The following SHISA6 variants were observed in gnomAD, a reference collection of about 807,000 sequenced individuals.
SHISA6 encodes shisa family member 6, also known as protein shisa-6.
In SHISA6, 22 loss-of-function variants were observed where a neutral mutation model predicts 47.9. The ratio of observed to expected loss-of-function variants is 0.46; its 90% confidence interval spans 0.33 to 0.66. SHISA6 has a LOEUF of 0.66. SHISA6 is among the 30% of genes least tolerant of loss of function. The probability of loss-of-function intolerance (pLI) is 0.02; values close to 1 mark genes in which losing one functional copy is unlikely to be tolerated. For synonymous variants in SHISA6, 388 were observed against 337.8 expected (o/e 1.15, Z -1.63); for missense variants, 680 against 764.6 (o/e 0.89, Z 1.30).
intron 2 of SHISA6, among the ~76,000 whole-genome samples, chr17:11,264,764 C>T (rs1209516830): frequency 6.6e-6 from 1 of 152,182 alleles, no homozygotes; most frequent in Non-Finnish European, 1.5e-5. Context: ...ATTTTCCATT[C>T]ATTCTTTAAT....
intron 3 of SHISA6, among the ~76,000 whole-genome samples, chr17:11,408,868 T>TCAACCAA (rs1174292085): frequency 5.3e-5 from 8 of 152,164 alleles, no homozygotes; most frequent in African/African-American, 1.9e-4. Flanking sequence ...GAAAGCTAAT[T>TCAACCAA]CAACCAACTG....
intron 3 of SHISA6, among the ~76,000 whole-genome samples, chr17:11,391,075 G>A (rs531634935): frequency 1.9e-3 from 282 of 152,312 alleles, no homozygotes; most frequent in African/African-American, 6.4e-3. Context: ...AAAGTGACGG[G>A]CTGAGAATAG....
intron 3 of SHISA6, among the ~76,000 whole-genome samples, chr17:11,385,646 G>A (rs912453819): frequency 6.6e-6 from 1 of 152,120 alleles, no homozygotes; most frequent in African/African-American, 2.4e-5. Flanking sequence ...GTAGGTGAGT[G>A]GCTTTTGAAG....
chr17:11,247,813 G>A (rs1907650994), intron 1 of SHISA6, among the ~76,000 whole-genome samples: 1 of 144,826 alleles, frequency 6.9e-6, no homozygotes, highest in Non-Finnish European at 1.5e-5. Context: ...CTTGCTTGGT[G>A]GCCCAAGCTG....
chr17:11,340,785 T>C (rs1477525646), intron 2 of SHISA6, among the ~76,000 whole-genome samples: 2 of 152,202 alleles, frequency 1.3e-5, no homozygotes, highest in East Asian at 3.9e-4. Flanking sequence ...AGACAGTTTC[T>C]TGAAGCACTG....
At chr17:11,346,661 A>G (rs1911708920) in intron 2 of SHISA6, among the ~76,000 whole-genome samples, 2 of 152,210 alleles carry the variant, frequency 1.3e-5, no homozygotes, top group Admixed American at 6.5e-5. Flanking sequence ...TTATCCCAAT[A>G]ATATATCATT....
intron 3 of SHISA6, among the ~76,000 whole-genome samples, chr17:11,403,472 T>C (rs1913846432): frequency 1.3e-5 from 2 of 152,354 alleles, no homozygotes; most frequent in South Asian, 2.1e-4. Context: ...ACAAAATTGC[T>C]GGCCCCATTA....
chr17:11,493,393 AT>A (rs1463189351), intron 3 of SHISA6, among the ~76,000 whole-genome samples: 2 of 151,928 alleles, frequency 1.3e-5, no homozygotes, highest in East Asian at 3.9e-4. Flanking sequence ...CGCTCAGCTA[AT>A]TTTTGTATTT....
chr17:11,410,241 G>A lies in SHISA6; in HGVS notation c.895+30732G>A, dbSNP rs1914078113. ...GCGACCTCATCTTTCCAGTATTAAT[G>A]CCCTCAATCAACAACCCTCGGAGGA... is the stretch of plus-strand genomic sequence containing the variant. On this transcript the variant is annotated intron_variant, in intron 3 of 5. Transcript: ENST00000441885. Among the ~76,000 whole-genome samples the A allele has an allele frequency of 2.0e-5, 3 of 152,280 alleles. No individual in the cohort carries two copies. The South Asian group carries it at 6.2e-4, about 32-fold the overall frequency.
At chr17:11,446,320 C>T (rs2908949) in intron 3 of SHISA6, among the ~76,000 whole-genome samples, 48,271 of 152,100 alleles carry the variant, frequency 0.32, 8,820 homozygotes, top group Non-Finnish European at 0.42. Context: ...ATGCATAGAA[C>T]GAAGCACACA....
chr17:11,388,681 A>G (rs1913271439), intron 3 of SHISA6, among the ~76,000 whole-genome samples: 1 of 150,766 alleles, frequency 6.6e-6, no homozygotes. Context: ...AATCCAGTCA[A>G]CCTCACACCA....
intron 3 of SHISA6, among the ~76,000 whole-genome samples, chr17:11,521,303 A>G (rs980053887): frequency 1.3e-5 from 2 of 152,224 alleles, no homozygotes; most frequent in Non-Finnish European, 2.9e-5. Flanking sequence ...TGTAGTATGT[A>G]TTTGGTATCT....
intron 3 of SHISA6, among the ~76,000 whole-genome samples, chr17:11,493,319 G>A (rs753107315): frequency 5.3e-5 from 8 of 152,058 alleles, no homozygotes; most frequent in African/African-American, 9.6e-5. Context: ...TATCCACCAC[G>A]GAGTTCAAGC....
chr17:11,364,760 C>T (rs1912389772), intron 2 of SHISA6, among the ~76,000 whole-genome samples: 1 of 152,198 alleles, frequency 6.6e-6, no homozygotes, highest in Non-Finnish European at 1.5e-5. Flanking sequence ...ATTTTATCTT[C>T]AGAACAAACT....
chr17:11,500,500 G>A (rs73977333), intron 3 of SHISA6, among the ~76,000 whole-genome samples: 3,721 of 152,234 alleles, frequency 0.024, 141 homozygotes, highest in African/African-American at 0.08. Context: ...AAACTGAGGC[G>A]CAGGAGTGAA....
At chr17:11,511,216 A>G (rs527424512) in intron 3 of SHISA6, among the ~76,000 whole-genome samples, 10 of 152,282 alleles carry the variant, frequency 6.6e-5, no homozygotes, top group African/African-American at 2.4e-4. Flanking sequence ...GTTCTCACTC[A>G]TAAGTGGGAG....
intron 3 of SHISA6, among the ~76,000 whole-genome samples, chr17:11,486,829 G>T (rs1318866999): frequency 1.3e-5 from 2 of 152,228 alleles, no homozygotes; most frequent in Non-Finnish European, 2.9e-5. Flanking sequence ...CACTACAGAA[G>T]GAGCGCGAAA....
intron 3 of SHISA6, among the ~76,000 whole-genome samples, chr17:11,508,181 C>A (rs2071515852): frequency 6.6e-6 from 1 of 152,256 alleles, no homozygotes; most frequent in Non-Finnish European, 1.5e-5. Flanking sequence ...AATCTACTAG[C>A]TGTGTGACTG....
chr17:11,370,550 G>A (rs1484023972), intron 2 of SHISA6, among the ~76,000 whole-genome samples: 1 of 152,132 alleles, frequency 6.6e-6, no homozygotes, highest in African/African-American at 2.4e-5. Flanking sequence ...AACTGCTTTC[G>A]GGAGGATCCA....
Sources: gnomAD v4.1 joint callset for allele counts (sites outside exome capture counted in the v4.1 genomes callset) on GRCh38, gnomAD v4.1.1 for gene constraint, MANE v1.5 for transcripts, NCBI Gene and HGNC (gene_info 2026-07-23, HGNC 2026-07-21) for gene names.